The following UBASH3A variants were observed in gnomAD, a reference collection of about 807,000 sequenced individuals.
UBASH3A encodes the protein ubiquitin associated and SH3 domain containing A.
UBASH3A carries 63 observed loss-of-function variants against 73.5 expected under a neutral mutation model. That is an observed-to-expected ratio of 0.86 (90% confidence interval 0.70 to 1.06). The LOEUF is 1.06. Among genes scored for constraint, UBASH3A ranks in the 50% least tolerant of loss-of-function variants. The pLI is 0.00. For missense variants in UBASH3A, 860 were observed against 859.0 expected (o/e 1.00, Z -0.02); for synonymous variants, 363 against 351.1 (o/e 1.03, Z -0.38).
intron 2 of UBASH3A, 112 bp downstream of exon 2, chr21:42,406,473 G>C (rs1313194694): frequency 2.3e-6 from 2 of 874,560 alleles, no homozygotes; most frequent in East Asian, 4.8e-5. Flanking sequence ...CTCTGGGTGG[G>C]ATGGGGCCAC....
intron 10 of UBASH3A, among the ~76,000 whole-genome samples, chr21:42,435,914 C>G (rs1461764634): frequency 7.9e-6 from 1 of 126,356 alleles, no homozygotes; most frequent in South Asian, 2.5e-4. Context: ...GTTATGGAGC[C>G]ATAGAGTTAT....
At chr21:42,440,178 C>G (rs879348786) in intron 11 of UBASH3A, among the ~76,000 whole-genome samples, 3 of 152,244 alleles carry the variant, frequency 2.0e-5, no homozygotes, top group Non-Finnish European at 4.4e-5. Context: ...CCCATGCTCA[C>G]AGCAGCAGGT....
At position 42,423,140 on chromosome 21, in the gene UBASH3A, C is replaced by T. The variant is rs373685373; in HGVS notation, c.1047-3557C>T. ...GGGCTGAGGTTTGTCCATACCATGG[C>T]GTGCGCTGTGAGCTCCCAGCTCCGA... is the stretch of plus-strand genomic sequence containing the variant. On this transcript the variant is annotated intron_variant, in intron 7 of 14. Coordinates refer to ENST00000319294, the MANE Select transcript of UBASH3A (RefSeq NM_018961.4). Among the ~76,000 whole-genome samples, 92 of 152,304 alleles carry T rather than the reference C, an allele frequency of 6.0e-4. 1 individual carries two copies. The highest frequency in any genetic ancestry group is 2.0e-3 in the African/African-American group (84 of 41,556).
At chr21:42,440,056 G>A (rs1430886215) in intron 11 of UBASH3A, among the ~76,000 whole-genome samples, 1 of 151,198 alleles carries the variant, frequency 6.6e-6, no homozygotes, top group Admixed American at 6.6e-5. Flanking sequence ...TACACCCCTT[G>A]GGGTTTCACT....
chr21:42,404,263 A>T, intron 1 of UBASH3A: 1 of 365,734 alleles, frequency 2.7e-6, no homozygotes. Flanking sequence ...TCCAACCCAC[A>T]TGAGGCCCAG....
intron 11 of UBASH3A, among the ~76,000 whole-genome samples, chr21:42,440,713 G>A (rs2053725892): frequency 6.6e-6 from 1 of 152,168 alleles, no homozygotes; most frequent in African/African-American, 2.4e-5. Flanking sequence ...CCTCTCACTG[G>A]GGCTTTTACT....
chr21:42,441,585 TG>T (rs1402737955), intron 11 of UBASH3A, among the ~76,000 whole-genome samples: 1 of 53,754 alleles, frequency 1.9e-5, no homozygotes, highest in Non-Finnish European at 3.4e-5. Flanking sequence ...GGGGCCTGGT[TG>T]GATGGGGGAG....
At chr21:42,410,048 G>A in intron 3 of UBASH3A, 1 of 701,518 alleles carries the variant, frequency 1.4e-6, no homozygotes, top group Non-Finnish European at 2.6e-6. Flanking sequence ...TCCAAAATGT[G>A]TGGTAAGTCA....
chr21:42,417,951 G>A (rs2053254747), intron 6 of UBASH3A, among the ~76,000 whole-genome samples: 1 of 130,472 alleles, frequency 7.7e-6, no homozygotes, highest in African/African-American at 3.0e-5. Flanking sequence ...GGAGTGATCT[G>A]CGCCCACTTC....
At chr21:42,406,286 G>A (rs2052974440) in intron 1 of UBASH3A, 22 bp from the exon 2 acceptor site, 1 of 1,611,972 alleles carries the variant, frequency 6.2e-7, no homozygotes, top group Non-Finnish European at 8.5e-7. Context: ...GTGACTTTGT[G>A]TCTGTGTCTG....
intron 11 of UBASH3A, among the ~76,000 whole-genome samples, chr21:42,439,397 G>T (rs1018728097): frequency 6.6e-6 from 1 of 152,096 alleles, no homozygotes; most frequent in Non-Finnish European, 1.5e-5. Flanking sequence ...AGACAGAAAT[G>T]CAGACTTACT....
chr21:42,443,813 C>T (rs1329767761), intron 13 of UBASH3A, among the ~76,000 whole-genome samples: 1 of 152,194 alleles, frequency 6.6e-6, no homozygotes, highest in Non-Finnish European at 1.5e-5. Context: ...ACACACACTC[C>T]CCTGCCGCCC....
In UBASH3A at chr21:42,413,940, G is replaced by A. The variant is rs575412007; in HGVS notation, c.667+417G>A. ...TAGTGGAAAGGATTGTGGACTTGAC[G>A]TCAGAAGATGTGATTTTTTTCTGTG... On this transcript the variant is annotated intron_variant, in intron 5 of 14. Transcript: ENST00000319294. This position sits in a 1 kb window ranked among gnomAD's most constrained non-coding sequence, Gnocchi z 4.5. Among the ~76,000 whole-genome samples the A allele has an allele frequency of 6.6e-5, 10 of 152,184 alleles. No individual in the cohort carries two copies. Among genetic ancestry groups the A allele is most frequent in the Admixed American group, 3.3e-4 (5 of 15,284 alleles).
In UBASH3A at chr21:42,434,965, G is replaced by A; in HGVS notation, c.1393+11G>A. 1.9e-6 allele frequency: 3 copies of A among 1,613,688 alleles called. No homozygotes were observed. The highest frequency in any genetic ancestry group is 2.5e-6 in the Non-Finnish European group (3 of 1,179,838). On this transcript the variant is annotated intron_variant, in intron 10 of 14. Transcript: ENST00000319294. ...AGTCCAGAATTGCAGGTATGTTTGA[G>A]GACTGTCTAGTAGGAAAGGTAACAA... is the stretch of plus-strand genomic sequence containing the variant.
chr21:42,435,085 GGA>G, intron 10 of UBASH3A, 131 bp downstream of exon 10: 1 of 1,218,364 alleles, frequency 8.2e-7, no homozygotes, highest in South Asian at 1.5e-5. Flanking sequence ...AGTCTGCTGA[GGA>G]GGCTGGGGCA....
At position 42,430,764 on chromosome 21, in the gene UBASH3A, A is replaced by G. The variant is rs748570901; in HGVS notation, c.1171-1339A>G. 1.1e-4 allele frequency among the ~76,000 whole-genome samples: 16 copies of G among 152,316 alleles called. No individual in the cohort carries two copies. In the South Asian group the frequency reaches 1.2e-3, roughly 12 times the overall value. ...CTAAAGCAGGGATGCTGTGGACTGC[A>G]GCTTCATGGACCAGCATGTGACATG... On this transcript the variant is annotated intron_variant, in intron 8 of 14. Coordinates refer to ENST00000319294, the MANE Select transcript of UBASH3A (RefSeq NM_018961.4).
At chr21:42,421,667 T>C (rs763194741) in intron 7 of UBASH3A, among the ~76,000 whole-genome samples, 8 of 152,212 alleles carry the variant, frequency 5.3e-5, no homozygotes, top group African/African-American at 1.9e-4. Context: ...TTCATGCACA[T>C]GGCAAAACTA....
chr21:42,442,333 T>C, intron 11 of UBASH3A, 119 bp from the exon 12 acceptor site: 1 of 1,046,828 alleles, frequency 9.6e-7, no homozygotes, highest in South Asian at 1.6e-5. Context: ...AAAATCACAC[T>C]GTTTAAAAGG....
chr21:42,446,742 G>A (rs1280487138), intron 14 of UBASH3A, among the ~76,000 whole-genome samples: 5 of 152,224 alleles, frequency 3.3e-5, no homozygotes, highest in Non-Finnish European at 5.9e-5. Flanking sequence ...AGACCTTTGT[G>A]GTGGGGGCTG....
Sources: gnomAD v4.1 joint callset for allele counts (sites outside exome capture counted in the v4.1 genomes callset) on GRCh38, gnomAD v4.1.1 for gene constraint, Gnocchi (gnomAD v3.1) non-coding constraint, MANE v1.5 for transcripts, NCBI Gene and HGNC (gene_info 2026-07-23, HGNC 2026-07-21) for gene names.